The following BCOR variants were observed in gnomAD, a reference collection of about 807,000 sequenced individuals.
BCOR encodes BCL-6 corepressor.
A neutral mutation model predicts 86.7 loss-of-function variants in BCOR; 10 were observed. That is an observed-to-expected ratio of 0.12 (90% CI 0.07 to 0.20). The LOEUF is 0.20. BCOR is among the 10% of genes least tolerant of loss of function. The pLI is 1.00. For synonymous variants in BCOR, 611 were observed against 609.0 expected (o/e 1.00, Z -0.05); for missense variants, 1,259 against 1,452.1 (o/e 0.87, Z 2.16).
rs765486165 is a variant in BCOR at position 40,063,987 on chromosome X, C to G, written c.3503-35G>C. ...AAATAACTACAAATTAATCAAAAAG[C>G]CCCCCGGGGGGGAACAAACTGTCTT... is the stretch of plus-strand genomic sequence containing the variant. On this transcript the variant is annotated intron_variant, in intron 7 of 14. Transcript: ENST00000378444. The G allele has an allele frequency of 3.8e-6, 4 of 1,050,566 alleles. No individual in the cohort carries two copies. The South Asian group carries it at 6.4e-5, about 17-fold the overall frequency. 86.6% of individuals were successfully genotyped at this position (1,050,566 alleles called of 1,213,427 possible).
At chrX:40,089,744 C>T (rs945184356) in intron 1 of BCOR, among the ~76,000 whole-genome samples, 2 of 111,742 alleles carry the variant, frequency 1.8e-5, no homozygotes, top group Non-Finnish European at 3.8e-5. Flanking sequence ...CTAGGCTTGC[C>T]ACCCCAGTTT....
At chrX:40,095,864 C>G (rs1402594269) in intron 1 of BCOR, among the ~76,000 whole-genome samples, 1 of 111,571 alleles carries the variant, frequency 9.0e-6, no homozygotes, top group Non-Finnish European at 1.9e-5. Context: ...CTCGCCCGGC[C>G]ACGGCCTACA....
Position 40,175,811 on chromosome X carries a change from C to G in BCOR, c.-41+1196G>C, listed in dbSNP as rs890357070. Among the ~76,000 whole-genome samples, 3 of 113,064 alleles carry G rather than the reference C, an allele frequency of 2.7e-5. No homozygotes were observed. In the Admixed American group the frequency reaches 2.8e-4, roughly 10 times the overall value. ...TCCCCGCCCCCACCTCCGGAAGAGC[C>G]GCCCTTACTCGACTGGGGTGAGGGG... On this transcript the variant is annotated intron_variant, in intron 1 of 14. Transcript: ENST00000342274.
intron 1 of BCOR, among the ~76,000 whole-genome samples, chrX:40,145,376 G>A (rs1255500191): frequency 1.8e-5 from 2 of 111,439 alleles, no homozygotes; most frequent in Non-Finnish European, 3.8e-5. Flanking sequence ...AACCTCACCC[G>A]ACACACACCC....
rs1374726805 is a variant in BCOR at position 40,097,894 on chromosome X, C to T, written c.-720G>A. 6.3e-5 allele frequency among the ~76,000 whole-genome samples: 7 copies of T among 110,617 alleles called. No individual in the cohort carries two copies. The East Asian group carries it at 1.5e-3, about 23-fold the overall frequency. On this transcript the variant is annotated 5_prime_UTR_variant, in exon 1 of 15. Transcript: ENST00000378444. Reference sequence around the variant, plus strand: ...GCGTCTCCCCCGCAGCCGCCGAGCTCGGCCCGCGTTCAGCGAGGAGCGCAG... The same window carrying T: ...GCGTCTCCCCCGCAGCCGCCGAGCTTGGCCCGCGTTCAGCGAGGAGCGCAG...
chrX:40,106,080 G>T (rs190608776), intron 1 of BCOR, among the ~76,000 whole-genome samples: 2 of 111,764 alleles, frequency 1.8e-5, no homozygotes, highest in Admixed American at 1.9e-4. Flanking sequence ...GCGGGGCTCG[G>T]ACTTTGCCAC....
chrX:40,054,216 G>C, intron 13 of BCOR, 40 bp downstream of exon 13: 2 of 1,167,965 alleles, frequency 1.7e-6, no homozygotes, highest in South Asian at 1.8e-5. Context: ...ACTTGAACTT[G>C]TTCACCTCCT....
intron 1 of BCOR, among the ~76,000 whole-genome samples, chrX:40,103,786 A>AT (rs999143682): frequency 4.5e-5 from 5 of 110,111 alleles, no homozygotes; most frequent in South Asian, 3.8e-4. Context: ...AGATAAGCCA[A>AT]TTTTTTTTTC....
intron 1 of BCOR, among the ~76,000 whole-genome samples, chrX:40,164,359 T>C (rs1434629779): frequency 1.8e-5 from 2 of 112,941 alleles, no homozygotes; most frequent in Non-Finnish European, 3.7e-5. Context: ...AAGAGATCAA[T>C]TTCATAACTT....
At chrX:40,173,222 T>C (rs1938668659) in intron 1 of BCOR, among the ~76,000 whole-genome samples, 1 of 111,744 alleles carries the variant, frequency 8.9e-6, no homozygotes, top group African/African-American at 3.3e-5. Context: ...TCTCTCCCTC[T>C]GGTCAATCCA....
intron 1 of BCOR, among the ~76,000 whole-genome samples, chrX:40,081,056 G>A (rs767890270): frequency 9.0e-6 from 1 of 111,541 alleles, no homozygotes; most frequent in South Asian, 3.8e-4. Flanking sequence ...TAAAAGTGGA[G>A]GTCTGTTGAA....
At chrX:40,117,984 A>AC (rs1346193569) in intron 1 of BCOR, among the ~76,000 whole-genome samples, 444 of 43,805 alleles carry the variant, frequency 0.01, 1 homozygote, top group African/African-American at 0.038. Context: ...CTCTCTCTCC[A>AC]CCCCCCCCAC....
intron 1 of BCOR, among the ~76,000 whole-genome samples, chrX:40,138,624 G>A (rs984518939): frequency 3.6e-5 from 4 of 110,393 alleles, no homozygotes; most frequent in South Asian, 3.9e-4. Flanking sequence ...GCACGATCTC[G>A]GCTCATTGCA....
intron 1 of BCOR, among the ~76,000 whole-genome samples, chrX:40,176,003 G>T (rs1261059351): frequency 8.9e-6 from 1 of 112,661 alleles, no homozygotes; most frequent in African/African-American, 3.2e-5. Flanking sequence ...GCCACTGCGG[G>T]GGGCGGAGGG....
chrX:40,149,998 A>T (rs1223536740), intron 1 of BCOR, among the ~76,000 whole-genome samples: 3 of 112,482 alleles, frequency 2.7e-5, no homozygotes, highest in Non-Finnish European at 5.6e-5. Flanking sequence ...CGAGAAGGAG[A>T]CTGGGACATC....
chrX:40,090,304 G>A (rs1020773104), intron 1 of BCOR, among the ~76,000 whole-genome samples: 3 of 113,400 alleles, frequency 2.6e-5, no homozygotes, highest in African/African-American at 9.6e-5. Context: ...CGCTCACCCC[G>A]CTAGCCAGCC....
intron 1 of BCOR, among the ~76,000 whole-genome samples, chrX:40,087,321 G>A (rs1936404623): frequency 8.9e-6 from 1 of 112,920 alleles, no homozygotes; most frequent in Admixed American, 9.3e-5. Flanking sequence ...TTCCATAATC[G>A]TCATTATTAG....
At chrX:40,100,446 C>T (rs1287406180), upstream of BCOR, among the ~76,000 whole-genome samples, 8 of 112,603 alleles carry the variant, frequency 7.1e-5, no homozygotes, top group East Asian at 2.2e-3. Flanking sequence ...AGGCTTTTCT[C>T]GGAGTTCGAA....
At chrX:40,163,032 A>C (rs936206894) in intron 1 of BCOR, among the ~76,000 whole-genome samples, 1 of 112,014 alleles carries the variant, frequency 8.9e-6, no homozygotes, top group African/African-American at 3.3e-5. Context: ...GGGAGGGCAC[A>C]AATAGTAAGT....
Sources: allele counts gnomAD v4.1 joint callset (sites outside exome capture counted in the v4.1 genomes callset), GRCh38; gene constraint gnomAD v4.1.1; transcripts MANE v1.5; gene names NCBI Gene and HGNC (gene_info 2026-07-23, HGNC 2026-07-21).